The following RUNX1 variants were observed in gnomAD, a reference collection of about 807,000 sequenced individuals.
The protein encoded by RUNX1 is RUNX family transcription factor 1.
RUNX1 carries 19 observed loss-of-function variants against 42.8 expected under a neutral mutation model. That is an observed-to-expected ratio of 0.44 (90% CI 0.31 to 0.65). The LOEUF (loss-of-function observed/expected upper bound fraction) is 0.65, where lower values mean the gene tolerates loss of function less well. Ranked by LOEUF, RUNX1 falls within the 30% of genes least tolerant of loss-of-function variation. The pLI is 0.07. For missense variants in RUNX1, 528 were observed against 672.0 expected, an observed-to-expected ratio of 0.79 and a Z score of 2.37; for synonymous variants, 271 against 289.4, an observed-to-expected ratio of 0.94 and a Z score of 0.64.
chr21:35,010,655 A>AGG (rs2059119991), intron 2 of RUNX1, among the ~76,000 whole-genome samples: 1 of 151,700 alleles, frequency 6.6e-6, no homozygotes, highest in Admixed American at 6.6e-5. Context: ...ACACACACTC[A>AGG]TTCACAAAGT....
chr21:34,870,314 C>T (rs1460021058), intron 5 of RUNX1, among the ~76,000 whole-genome samples: 1 of 152,216 alleles, frequency 6.6e-6, no homozygotes, highest in Non-Finnish European at 1.5e-5. Flanking sequence ...GTAATCAATC[C>T]TCATTGTCCC....
intron 6 of RUNX1, among the ~76,000 whole-genome samples, chr21:34,857,105 T>C (rs1317746741): frequency 1.3e-5 from 2 of 152,226 alleles, no homozygotes; most frequent in Admixed American, 6.5e-5. Flanking sequence ...TGTGAGACTT[T>C]CTACCTGGGG....
At position 34,948,831 on chromosome 21, in the gene RUNX1, C is replaced by A. The variant is rs906956213; in HGVS notation, c.59-55868G>T. Among the ~76,000 whole-genome samples, 3 of 152,228 alleles carry A rather than the reference C, an allele frequency of 2.0e-5. No individual in the cohort carries two copies. The South Asian group carries it at 6.2e-4, about 32-fold the overall frequency. On this transcript the variant is annotated intron_variant, in intron 2 of 8. Coordinates refer to ENST00000675419, the MANE Select transcript of RUNX1 (RefSeq NM_001754.5). ...CGCGGTCTCAGCTCATTGCAACCTC[C>A]GCCTCCCGGGCTCAAGCAATTCTCC...
intron 2 of RUNX1, among the ~76,000 whole-genome samples, chr21:34,897,763 G>A (rs1356967248): frequency 6.6e-6 from 1 of 152,138 alleles, no homozygotes; most frequent in East Asian, 1.9e-4. Flanking sequence ...GCAGAAACTG[G>A]TTGTAGAAGG....
rs59950735 is a variant in RUNX1, at chr21:34,874,610, C to CAAAAAAAAAAA, written c.508+5936_508+5946dup. On this transcript the variant is annotated intron_variant, in intron 5 of 8. Coordinates refer to ENST00000675419, the MANE Select transcript of RUNX1 (RefSeq NM_001754.5). The stretch of plus-strand genomic sequence containing the variant: ...AGGCAACAAGAGGGAAACTCTGTCT[C>CAAAAAAAAAAA]AAAAAAAAAAAAAAAAAAAAAAAAA... Among the ~76,000 whole-genome samples the CAAAAAAAAAAA allele has an allele frequency of 3.2e-4, 8 of 25,300 alleles. 1 individual carries two copies. The highest frequency in any genetic ancestry group is 1.6e-3 in the African/African-American group (7 of 4,368). 16.6% of individuals were successfully genotyped at this position (25,300 alleles called of 152,430 possible). A position where few individuals can be genotyped will look rare whatever the true frequency, so the allele number is the denominator to read the frequency against.
rs3833348 is a variant in RUNX1, at chr21:34,887,242, T to TGGGGGGGGGG, written c.98-147_98-146insCCCCCCCCCC. 135 of 299,264 alleles carry TGGGGGGGGGG rather than the reference T, an allele frequency of 4.5e-4. 17 individuals carry two copies. The highest frequency in any genetic ancestry group is 2.8e-3 in the South Asian group (20 of 7,272). 18.5% of individuals were successfully genotyped at this position (299,264 alleles called of 1,614,324 possible). A position where few individuals can be genotyped will look rare whatever the true frequency, so the allele number is the denominator to read the frequency against. On this transcript the variant is annotated intron_variant, in intron 3 of 8. Transcript: ENST00000675419. ...CAGGGGCCTTTATTACTGCGGGGGG[T>TGGGGGGGGGG]GGGGGGGGGCGGGGGTGGTTAGGGG...
intron 2 of RUNX1, among the ~76,000 whole-genome samples, chr21:34,927,101 G>A (rs945132865): frequency 3.3e-5 from 5 of 152,130 alleles, no homozygotes; most frequent in African/African-American, 1.2e-4. Context: ...AAGAAAGTGT[G>A]AATTCAAGTA....
At chr21:35,048,520 A>C (rs1470099479) in intron 2 of RUNX1, among the ~76,000 whole-genome samples, 1 of 152,226 alleles carries the variant, frequency 6.6e-6, no homozygotes, top group African/African-American at 2.4e-5. Flanking sequence ...AAACCCAGGG[A>C]GCTTCGTGCA....
chr21:34,891,073 C>G (rs2058076038), intron 3 of RUNX1, among the ~76,000 whole-genome samples: 1 of 152,210 alleles, frequency 6.6e-6, no homozygotes, highest in South Asian at 2.1e-4. Flanking sequence ...GGAGGCTCCT[C>G]TGGGTCTCGG....
At chr21:34,958,207 C>T (rs917852732) in intron 2 of RUNX1, among the ~76,000 whole-genome samples, 22 of 152,164 alleles carry the variant, frequency 1.4e-4, no homozygotes, top group Non-Finnish European at 2.5e-4. Flanking sequence ...CAAGTCTAGA[C>T]ACTGCCAGCG....
intron 2 of RUNX1, among the ~76,000 whole-genome samples, chr21:35,012,794 G>C (rs147517308): frequency 6.6e-6 from 1 of 151,926 alleles, no homozygotes; most frequent in East Asian, 1.9e-4. Flanking sequence ...AAGTGTTCTC[G>C]GTGAAAACCC....
chr21:34,970,017 G>A (rs1344413913), intron 2 of RUNX1, among the ~76,000 whole-genome samples: 5 of 152,202 alleles, frequency 3.3e-5, no homozygotes, highest in Non-Finnish European at 7.3e-5. Context: ...GATGGCAGAC[G>A]TTCATGTCTT....
chr21:35,040,419 G>T (rs574623714), intron 2 of RUNX1, among the ~76,000 whole-genome samples: 2 of 152,186 alleles, frequency 1.3e-5, no homozygotes, highest in Admixed American at 6.5e-5. Context: ...AGTAAAAGGG[G>T]AAGTGCTTCT....
chr21:35,001,217 T>C (rs1206094671), intron 2 of RUNX1, among the ~76,000 whole-genome samples: 1 of 151,672 alleles, frequency 6.6e-6, no homozygotes, highest in Non-Finnish European at 1.5e-5. Flanking sequence ...AATAGCCTTA[T>C]TGAGATATAA....
chr21:34,927,127 C>T (rs1251824062), intron 2 of RUNX1, among the ~76,000 whole-genome samples: 1 of 152,166 alleles, frequency 6.6e-6, no homozygotes. Context: ...GAAAGTTTGA[C>T]TCCCACTTTA....
chr21:34,887,173 G>A, intron 3 of RUNX1, 77 bp from the exon 4 acceptor site: 8 of 1,516,266 alleles, frequency 5.3e-6, no homozygotes, highest in Non-Finnish European at 7.1e-6. Flanking sequence ...CGACAGGGGC[G>A]CGGATCTTCA....
At chr21:34,973,257 T>C (rs1388803552) in intron 2 of RUNX1, among the ~76,000 whole-genome samples, 3 of 152,206 alleles carry the variant, frequency 2.0e-5, no homozygotes, top group Non-Finnish European at 4.4e-5. Context: ...TGTGATGTTA[T>C]ATTGTAGTGG....
intron 5 of RUNX1, among the ~76,000 whole-genome samples, chr21:34,874,713 T>A (rs1346473520): frequency 6.9e-6 from 1 of 145,000 alleles, no homozygotes; most frequent in Non-Finnish European, 1.5e-5. Context: ...AAACACAGAA[T>A]ATGTTCTTCT....
intron 2 of RUNX1, among the ~76,000 whole-genome samples, chr21:35,031,078 G>GCGTGA (rs1460468019): frequency 6.6e-6 from 1 of 152,222 alleles, no homozygotes; most frequent in African/African-American, 2.4e-5. Flanking sequence ...GCCGGGTGCG[G>GCGTGA]TGGCTCACGC....
Sources: gnomAD v4.1 joint callset for allele counts (sites outside exome capture counted in the v4.1 genomes callset) on GRCh38, gnomAD v4.1.1 for gene constraint, MANE v1.5 for transcripts, NCBI Gene and HGNC (gene_info 2026-07-23, HGNC 2026-07-21) for gene names.